CROCC: variants seen among roughly 807,000 people sequenced by gnomAD.
CROCC encodes ciliary rootlet coiled-coil, rootletin.
A neutral mutation model predicts 245.2 loss-of-function variants in CROCC; 180 were observed. The observed-to-expected ratio is 0.73, with a 90% CI of 0.65 to 0.83. The LOEUF is 0.83. CROCC is among the 40% of genes least tolerant of loss of function. CROCC has a pLI of 0.00. For synonymous variants in CROCC, 1,205 were observed against 1,241.6 expected (o/e 0.97, Z 0.62); for missense variants, 2,688 against 2,779.4 (o/e 0.97, Z 0.74).
chr1:16,968,580 G>T (rs980118873), intron 31 of CROCC, among the ~76,000 whole-genome samples, 162 bp downstream of exon 31: 1 of 152,250 alleles, frequency 6.6e-6, no homozygotes, highest in African/African-American at 2.4e-5. Context: ...CATTGTCTAA[G>T]ATCCCATAGC....
chr1:16,937,392 C>T (rs546871946), intron 9 of CROCC, among the ~76,000 whole-genome samples: 3 of 152,126 alleles, frequency 2.0e-5, no homozygotes, highest in South Asian at 2.1e-4. Flanking sequence ...GTGCCCCTTA[C>T]TCCTGCCACC....
intron 23 of CROCC, among the ~76,000 whole-genome samples, chr1:16,955,091 C>T (rs907321561): frequency 3.3e-5 from 5 of 152,072 alleles, no homozygotes; most frequent in African/African-American, 1.2e-4. Context: ...GGGTCTCTGC[C>T]CTCTTGGTGT....
At chr1:16,924,706 A>G (rs2075491606) in intron 3 of CROCC, among the ~76,000 whole-genome samples, 1 of 152,282 alleles carries the variant, frequency 6.6e-6, no homozygotes, top group South Asian at 2.1e-4. Flanking sequence ...TGTAGGAATC[A>G]AGGAGATAAT....
Position 16,939,074 on chromosome 1 carries a change from G to T in CROCC, c.1540G>T (p.Ala514Ser). The part of the protein sequence containing the change: ...GRSPRRGPSP[A>S]CSDSSTLALI... ...TTCACCCCGCCGAGGCCCCTCCCCG[G>T]CCTGCTCAGACTCCTCCACGCTCGC... The change falls in exon 12 of 37, where the codon GCC becomes TCC. Residue 514 changes from alanine (A) to serine (S), a missense_variant. Ala to Ser is a moderately conservative substitution (Grantham distance 99). Around this residue, in one of 9 missense-constraint regions of CROCC, gnomAD observed 972 missense variants for 895.3 expected, o/e 1.09. Transcript: ENST00000375541. 6.3e-7 allele frequency: 1 copy of T among 1,585,086 alleles called. No homozygotes were observed. Among genetic ancestry groups the T allele is most frequent in the East Asian group, 2.3e-5 (1 of 44,164 alleles).
chr1:16,949,753 T>A (rs1427820657), intron 19 of CROCC, among the ~76,000 whole-genome samples: 1 of 152,210 alleles, frequency 6.6e-6, no homozygotes, highest in Non-Finnish European at 1.5e-5. Flanking sequence ...AAGTGCTCAG[T>A]CAGGAATAGG....
rs746004624 is a variant in CROCC, at chr1:16,971,448, A to C, written c.5785-17A>C. 5 of 1,528,772 alleles carry C rather than the reference A, an allele frequency of 3.3e-6. No homozygotes were observed. Among genetic ancestry groups the C allele is most frequent in the Non-Finnish European group, 8.8e-7 (1 of 1,141,714 alleles). 94.7% of individuals were successfully genotyped at this position (1,528,772 alleles called of 1,614,324 possible). A position where few individuals can be genotyped will look rare whatever the true frequency, so the allele number is the denominator to read the frequency against. On this transcript the variant is annotated splice_polypyrimidine_tract_variant and intron_variant, in intron 35 of 36. Transcript: ENST00000375541. ...CTCACACTGGGCCAGAACGCGGACC[A>C]CAGCCCCTCCCTGCAGGCGCAGGTG...
chr1:16,965,343 G>T (rs1045661085), intron 27 of CROCC, among the ~76,000 whole-genome samples: 1 of 152,170 alleles, frequency 6.6e-6, no homozygotes, highest in African/African-American at 2.4e-5. Flanking sequence ...TGGTCGGGGT[G>T]GGGGTGGCAG....
intron 25 of CROCC, among the ~76,000 whole-genome samples, chr1:16,958,280 G>A (rs2076278644): frequency 6.6e-6 from 1 of 152,218 alleles, no homozygotes. Context: ...AGATAACCCA[G>A]GGAGCTGTGG....
chr1:16,936,991 C>A, intron 9 of CROCC, 118 bp downstream of exon 9: 1 of 1,099,040 alleles, frequency 9.1e-7, no homozygotes, highest in Non-Finnish European at 1.3e-6. Context: ...TGAGCTCAGC[C>A]AGTCTTCCCA....
intron 3 of CROCC, among the ~76,000 whole-genome samples, chr1:16,927,993 C>T (rs1017616730): frequency 6.6e-6 from 1 of 152,266 alleles, no homozygotes; most frequent in East Asian, 1.9e-4. Flanking sequence ...GCTCATAGAA[C>T]ATCTCTCAGC....
At chr1:16,965,579 G>A (rs2076402748) in intron 27 of CROCC, 144 bp from the exon 28 acceptor site, 2 of 684,892 alleles carry the variant, frequency 2.9e-6, no homozygotes, top group African/African-American at 3.6e-5. Flanking sequence ...TTTCAGCTGG[G>A]ATGGGCAAGA....
At position 16,939,989 on chromosome 1, in the gene CROCC, A is replaced by G; in HGVS notation, c.1704A>G (p.Glu568=). The G allele has an allele frequency of 1.2e-6, 2 of 1,612,304 alleles. No individual in the cohort carries two copies. The highest frequency in any genetic ancestry group is 1.7e-5 in the Admixed American group (1 of 60,008). The part of the protein sequence containing the change: ...DSESERRALE[E]QLQRLRDKTD... ...AGAGCGAGCGGCGGGCCCTAGAGGA[A>G]CAGCTGCAGCGCCTGCGGGACAAGA... The change falls in exon 13 of 37, where the codon GAA becomes GAG. Residue 568 remains glutamate, a synonymous_variant. Coordinates refer to ENST00000375541, the MANE Select transcript of CROCC (RefSeq NM_014675.5).
At chr1:16,937,917 C>T (rs2075828447) in intron 10 of CROCC, among the ~76,000 whole-genome samples, 180 bp downstream of exon 10, 1 of 152,290 alleles carries the variant, frequency 6.6e-6, no homozygotes, top group Non-Finnish European at 1.5e-5. Context: ...CCATTTCTTC[C>T]TCCCAGCAGC....
Position 16,946,743 on chromosome 1 carries a change from C to T in CROCC, c.2284-18C>T. 3 of 1,550,144 alleles carry T rather than the reference C, an allele frequency of 1.9e-6. No homozygotes were observed. The highest frequency in any genetic ancestry group is 2.6e-6 in the Non-Finnish European group (3 of 1,146,178). On this transcript the variant is annotated intron_variant, in intron 16 of 36. Coordinates refer to ENST00000375541, the MANE Select transcript of CROCC (RefSeq NM_014675.5). ...GGGACGCCCTGCTCACGAGGCCCCA[C>T]TCCTACCTGGCCTCCAGCTGGAGGA...
upstream of CROCC, among the ~76,000 whole-genome samples, chr1:16,921,735 CTCTCTCCTCCCTCCTTT>C (rs2075409454): frequency 6.6e-6 from 1 of 152,214 alleles, no homozygotes; most frequent in Non-Finnish European, 1.5e-5. Flanking sequence ...ATTCCCTCTT[CTCTCTCCTCCCTCCTTT>C]TCTCTCCCTT....
rs2075886598 is a variant in CROCC at position 16,939,892 on chromosome 1, A to G, written c.1609-2A>G. 1 of 1,611,820 alleles carries G rather than the reference A, an allele frequency of 6.2e-7. No individual in the cohort carries two copies. The highest frequency in any genetic ancestry group is 1.7e-5 in the Admixed American group (1 of 59,974). On this transcript the variant is annotated splice_acceptor_variant, in intron 12 of 36. Coordinates refer to ENST00000375541, the MANE Select transcript of CROCC (RefSeq NM_014675.5). LOFTEE classifies it high-confidence loss of function. ...CAGACTCTGTGACCCCCCACACCCC[A>G]GGACATGCGTGGGCGCTATGAGGCA...
Position 16,968,268 on chromosome 1 carries a change from G to A in CROCC, c.4926G>A (p.Glu1642=). The change falls in exon 31 of 37, where the codon GAG becomes GAA. Residue 1642 remains glutamate (E), a synonymous_variant. Transcript: ENST00000375541. ...AGGGCGACAAGCGGCGCCTGAAGGA[G>A]GTTCTGGACGCCTCCGAGAGCCGCA... The part of the protein sequence containing the change: ...KLEGDKRRLK[E]VLDASESRTV... 1 of 1,563,164 alleles carries A rather than the reference G, an allele frequency of 6.4e-7. No homozygotes were observed. The highest frequency in any genetic ancestry group is 8.7e-7 in the Non-Finnish European group (1 of 1,155,168).
chr1:16,922,382 C>T (rs554942138), intron 1 of CROCC, among the ~76,000 whole-genome samples: 18 of 152,264 alleles, frequency 1.2e-4, no homozygotes, highest in African/African-American at 3.4e-4. Context: ...GGGTCGGAAC[C>T]GGATTGGGGC....
intron 1 of CROCC, among the ~76,000 whole-genome samples, chr1:16,914,641 G>A (rs2075284365): frequency 6.6e-6 from 1 of 152,296 alleles, no homozygotes; most frequent in South Asian, 2.1e-4. Context: ...CACGGAGGCA[G>A]GGCCGCCGGA....
Sources: allele counts gnomAD v4.1 joint callset (sites outside exome capture counted in the v4.1 genomes callset), GRCh38; gene constraint gnomAD v4.1.1; regional missense constraint gnomAD v4.1.1; transcripts MANE v1.5; gene names NCBI Gene and HGNC (gene_info 2026-07-23, HGNC 2026-07-21).